Variants in FAM107B observed in about 807,000 individuals in gnomAD.
FAM107B encodes family with sequence similarity 107 member B.
Under a neutral mutation model 31.5 loss-of-function variants are expected in FAM107B, and 21 were observed. That is an observed-to-expected ratio of 0.67 (90% CI 0.47 to 0.96). The LOEUF is 0.96. Ranked by LOEUF, FAM107B falls within the 40% of genes least tolerant of loss-of-function variation. The pLI, the probability that FAM107B is intolerant of heterozygous loss-of-function variation, is 0.00. For synonymous variants in FAM107B, 157 were observed against 141.5 expected, an observed-to-expected ratio of 1.11 and a Z score of -0.78; for missense variants, 452 against 377.1, an observed-to-expected ratio of 1.20 and a Z score of -1.64.
At chr10:14,535,585 A>G (rs1383807900) in intron 2 of FAM107B, among the ~76,000 whole-genome samples, 2 of 142,432 alleles carry the variant, frequency 1.4e-5, no homozygotes, top group African/African-American at 4.9e-5. Flanking sequence ...AAGCTTCTGG[A>G]AAGTCTAAAA....
At chr10:14,666,726 G>A (rs1238700450) in intron 2 of FAM107B, among the ~76,000 whole-genome samples, 1 of 152,196 alleles carries the variant, frequency 6.6e-6, no homozygotes, top group African/African-American at 2.4e-5. Flanking sequence ...TTAAAGCAAT[G>A]TTGGTAATTG....
chr10:14,615,652 A>G lies in FAM107B; in HGVS notation c.469+51982T>C, dbSNP rs531718341. On this transcript the variant is annotated intron_variant, in intron 2 of 4. Transcript: ENST00000181796. The stretch of plus-strand genomic sequence containing the variant: ...TCCTTAACTTTTATAACCTAGACCA[A>G]GTGCTTATTTAATTTTTTAATAGCA... Among the ~76,000 whole-genome samples, 9 of 152,358 alleles carry G rather than the reference A, an allele frequency of 5.9e-5. No homozygotes were observed. The East Asian group carries it at 1.3e-3, about 23-fold the overall frequency.
At chr10:14,725,564 C>G (rs1027207240) in intron 1 of FAM107B, among the ~76,000 whole-genome samples, 13 of 151,974 alleles carry the variant, frequency 8.6e-5, no homozygotes, top group Non-Finnish European at 1.6e-4. Context: ...TTGCACATGG[C>G]TGTCTTCTGA....
In FAM107B at chr10:14,629,521, A is replaced by ATTTTTTT. The variant is rs1554842126; in HGVS notation, c.469+38106_469+38112dup. 2.2e-4 allele frequency among the ~76,000 whole-genome samples: 22 copies of ATTTTTTT among 97,816 alleles called. 1 individual carries two copies. Among genetic ancestry groups the ATTTTTTT allele is most frequent in the African/African-American group, 8.8e-4 (20 of 22,846 alleles). 64.2% of individuals were successfully genotyped at this position (97,816 alleles called of 152,430 possible). Reference sequence around the variant, plus strand: ...ATATATATTTAATATATATATATATATTTTTTTTTGAGATGAAGACTCGCT... The same window carrying ATTTTTTT: ...ATATATATTTAATATATATATATATATTTTTTTTTTTTTTTTGAGATGAAGACTCGCT... On this transcript the variant is annotated intron_variant, in intron 2 of 4. Coordinates refer to ENST00000181796, the MANE Select transcript of FAM107B (RefSeq NM_031453.4).
At chr10:14,729,542 T>C (rs576607115) in intron 1 of FAM107B, among the ~76,000 whole-genome samples, 1 of 152,078 alleles carries the variant, frequency 6.6e-6, no homozygotes, top group African/African-American at 2.4e-5. Flanking sequence ...ATCAACACAG[T>C]GGCATAGGAA....
chr10:14,741,213 A>G (rs545308412), intron 1 of FAM107B, among the ~76,000 whole-genome samples: 1 of 152,286 alleles, frequency 6.6e-6, no homozygotes, highest in African/African-American at 2.4e-5. Flanking sequence ...GCGAGGCAGG[A>G]GCTGAGATAT....
chr10:14,612,773 A>C (rs903028905), intron 2 of FAM107B, among the ~76,000 whole-genome samples: 2 of 152,224 alleles, frequency 1.3e-5, no homozygotes, highest in African/African-American at 4.8e-5. Flanking sequence ...CTGAGAGACA[A>C]AGACACACAG....
intron 2 of FAM107B, among the ~76,000 whole-genome samples, chr10:14,641,346 G>A (rs1853622538): frequency 6.6e-6 from 1 of 152,198 alleles, no homozygotes; most frequent in Non-Finnish European, 1.5e-5. Context: ...TTGCTGCATT[G>A]AGCTCTGTAC....
chr10:14,706,064 A>G (rs1855512133), intron 1 of FAM107B, among the ~76,000 whole-genome samples: 2 of 152,222 alleles, frequency 1.3e-5, no homozygotes, highest in African/African-American at 4.8e-5. Flanking sequence ...CCAGACCACT[A>G]CAACTCTGTT....
At chr10:14,603,490 TCTACAGTTTACCCTCTCAAC>T (rs1488426370) in intron 2 of FAM107B, among the ~76,000 whole-genome samples, 1 of 152,132 alleles carries the variant, frequency 6.6e-6, no homozygotes, top group Non-Finnish European at 1.5e-5. Context: ...GAGAATGAAA[TCTACAGTTTACCCTCTCAAC>T]CTAATTCCTC....
intron 1 of FAM107B, among the ~76,000 whole-genome samples, chr10:14,726,020 T>A (rs1856027145): frequency 6.7e-6 from 1 of 149,638 alleles, no homozygotes; most frequent in South Asian, 2.1e-4. Flanking sequence ...TGAGACGGAG[T>A]TTTGTTCTTG....
intron 2 of FAM107B, among the ~76,000 whole-genome samples, chr10:14,547,232 C>T (rs1451751992): frequency 6.6e-6 from 1 of 152,154 alleles, no homozygotes; most frequent in African/African-American, 2.4e-5. Flanking sequence ...TGATGAGATT[C>T]GACACTGTTG....
chr10:14,684,500 T>C (rs931271298), intron 1 of FAM107B, among the ~76,000 whole-genome samples: 3 of 152,104 alleles, frequency 2.0e-5, no homozygotes, highest in Non-Finnish European at 2.9e-5. Context: ...ATTCCATTCA[T>C]GAAGCGTCCA....
chr10:14,663,287 C>T (rs1395506625), intron 2 of FAM107B: 1 of 152,200 alleles, frequency 6.6e-6, no homozygotes, highest in East Asian at 1.9e-4. Flanking sequence ...CAATAAATTC[C>T]CCTTCATATA....
chr10:14,667,785 T>C (rs1854443943), intron 1 of FAM107B, 94 bp from the exon 2 acceptor site: 6 of 1,326,796 alleles, frequency 4.5e-6, no homozygotes, highest in African/African-American at 1.5e-5. Flanking sequence ...CTAATTAATA[T>C]GAGATCAAGA....
chr10:14,524,387 T>C, intron 3 of FAM107B, among the ~76,000 whole-genome samples: 1 of 152,082 alleles, frequency 6.6e-6, no homozygotes, highest in East Asian at 1.9e-4. Context: ...GTCAAAATAA[T>C]ATATGTCTCC....
intron 2 of FAM107B, among the ~76,000 whole-genome samples, chr10:14,579,961 G>T (rs1851582392): frequency 6.6e-6 from 1 of 151,476 alleles, no homozygotes; most frequent in South Asian, 2.1e-4. Context: ...AGCAGAAGTT[G>T]CAGTGAGCTG....
At chr10:14,626,063 T>C (rs1398922837) in intron 2 of FAM107B, among the ~76,000 whole-genome samples, 1 of 152,116 alleles carries the variant, frequency 6.6e-6, no homozygotes, top group Non-Finnish European at 1.5e-5. Flanking sequence ...CCGGTACACT[T>C]GGGACTCTTT....
In FAM107B at chr10:14,623,383, T is replaced by C. The variant is rs78026288; in HGVS notation, c.469+44251A>G. Reference sequence around the variant, plus strand: ...AATTTAGGTGACAGTTAATCCCAACTGTGGCTAAATAAAGATCTGGTAAAA... The same window carrying C: ...AATTTAGGTGACAGTTAATCCCAACCGTGGCTAAATAAAGATCTGGTAAAA... On this transcript the variant is annotated intron_variant, in intron 2 of 4. Coordinates refer to ENST00000181796, the MANE Select transcript of FAM107B (RefSeq NM_031453.4). Among the ~76,000 whole-genome samples the C allele has an allele frequency of 6.0e-3, 917 of 152,302 alleles. 12 individuals are homozygous for C. The highest frequency in any genetic ancestry group is 0.02 in the African/African-American group (840 of 41,560).
Sources: allele counts gnomAD v4.1 joint callset (sites outside exome capture counted in the v4.1 genomes callset), GRCh38; gene constraint gnomAD v4.1.1; transcripts MANE v1.5; gene names NCBI Gene and HGNC (gene_info 2026-07-23, HGNC 2026-07-21).